The following NDRG3 variants were observed in gnomAD, a reference collection of about 807,000 sequenced individuals.
NDRG3 encodes NDRG family member 3.
In NDRG3, 23 loss-of-function variants were observed where a neutral mutation model predicts 57.2. That is an observed-to-expected ratio of 0.40 (90% CI 0.29 to 0.57). The LOEUF is 0.57. Ranked by LOEUF, NDRG3 falls within the 20% of genes least tolerant of loss-of-function variation. The pLI, the probability that NDRG3 is intolerant of heterozygous loss-of-function variation, is 0.42. For synonymous variants in NDRG3, 132 were observed against 162.6 expected, an observed-to-expected ratio of 0.81 and a Z score of 1.43; for missense variants, 384 against 457.3, an observed-to-expected ratio of 0.84 and a Z score of 1.46.
At chr20:36,730,938 G>GAA (rs780773071) in intron 1 of NDRG3, among the ~76,000 whole-genome samples, 1 of 100,856 alleles carries the variant, frequency 9.9e-6, no homozygotes, top group East Asian at 2.9e-4. Context: ...ATGCTGTCTC[G>GAA]AAAAAAAAAA....
chr20:36,682,689 A>C lies in NDRG3; in HGVS notation c.384-111T>G, dbSNP rs1261052233. ...AAATCCTGGCTCTGATATTTATTAG[A>C]TGTGAGAATTTGGGCAAGTGTTTTT... On this transcript the variant is annotated intron_variant, in intron 6 of 15. Transcript: ENST00000349004. 9.1e-6 allele frequency: 8 copies of C among 875,698 alleles called. No homozygotes were observed. In the Admixed American group the frequency reaches 9.2e-5, roughly 10 times the overall value. The allele number at this position is 875,698 out of a possible 1,614,324, so 54.2% of individuals were successfully genotyped here.
In NDRG3 at chr20:36,682,496, G is replaced by A. The variant is rs762002128; in HGVS notation, c.444+22C>T. The A allele has an allele frequency of 5.6e-6, 9 of 1,605,970 alleles. No individual in the cohort carries two copies. In the East Asian group the frequency reaches 1.8e-4, roughly 32 times the overall value. On this transcript the variant is annotated intron_variant, in intron 7 of 15. Transcript: ENST00000349004. ...CCAGGCACTGCCTCAAGGATGTTGAGGCTAATCCTCTACATACTTACTGCA... is the reference window on the plus strand; with the variant it reads ...CCAGGCACTGCCTCAAGGATGTTGAAGCTAATCCTCTACATACTTACTGCA...
At chr20:36,687,824 A>C (rs922532729) in intron 4 of NDRG3, among the ~76,000 whole-genome samples, 1 of 152,188 alleles carries the variant, frequency 6.6e-6, no homozygotes, top group Non-Finnish European at 1.5e-5. Flanking sequence ...ACAATTCTTA[A>C]TTCTAAATAA....
chr20:36,694,563 T>C (rs1982611255), intron 3 of NDRG3, among the ~76,000 whole-genome samples: 1 of 152,134 alleles, frequency 6.6e-6, no homozygotes, highest in African/African-American at 2.4e-5. Flanking sequence ...CTCTTAAATT[T>C]CTCCAAAATC....
intron 3 of NDRG3, among the ~76,000 whole-genome samples, chr20:36,706,686 TA>T (rs1321757538): frequency 6.6e-6 from 1 of 152,126 alleles, no homozygotes; most frequent in Non-Finnish European, 1.5e-5. Context: ...GTATTTTTAG[TA>T]GGATGAGTTT....
intron 2 of NDRG3, among the ~76,000 whole-genome samples, chr20:36,712,019 T>C (rs1983913299): frequency 6.6e-6 from 1 of 152,188 alleles, no homozygotes; most frequent in Non-Finnish European, 1.5e-5. Flanking sequence ...GACCTCGTGA[T>C]CTGCCCACCT....
intron 8 of NDRG3, among the ~76,000 whole-genome samples, chr20:36,673,573 G>A (rs921935770): frequency 1.3e-5 from 2 of 151,988 alleles, no homozygotes; most frequent in Non-Finnish European, 2.9e-5. Flanking sequence ...ACCTGGCTAC[G>A]TTTCTGTATT....
At chr20:36,727,296 T>C (rs1343781730) in intron 1 of NDRG3, among the ~76,000 whole-genome samples, 2 of 152,116 alleles carry the variant, frequency 1.3e-5, no homozygotes, top group Non-Finnish European at 2.9e-5. Context: ...CTCAGCTCAC[T>C]GCAACCTCCG....
rs770512852 is a variant in NDRG3 at position 36,653,640 on chromosome 20, G to A, written c.1008C>T (p.Leu336=). 38 of 1,613,986 alleles carry A rather than the reference G, an allele frequency of 2.4e-5. No individual in the cohort carries two copies. The highest frequency in any genetic ancestry group is 3.3e-4 in the Middle Eastern group (2 of 6,084). The change falls in exon 16 of 16, where the codon CTC becomes CTT. Residue 336 remains leucine, a synonymous_variant. Coordinates refer to ENST00000349004, the MANE Select transcript of NDRG3 (RefSeq NM_032013.4). This position sits in a 1 kb window ranked among gnomAD's most constrained non-coding sequence, Gnocchi z 4.2. ...RSRTHSTSSS[L]GSGESPFSRS... ...GGCTGAAGGGACTTTCTCCAGAGCCGAGGCTACTCGAGGTTGAGTGGGTTC... is the reference window on the plus strand; with the variant it reads ...GGCTGAAGGGACTTTCTCCAGAGCCAAGGCTACTCGAGGTTGAGTGGGTTC...
Position 36,746,079 on chromosome 20 carries a change from A to AGCGGCG in NDRG3, c.-89_-84dup, listed in dbSNP as rs11466997. 307 of 251,410 alleles carry AGCGGCG rather than the reference A, an allele frequency of 1.2e-3. 1 individual carries two copies. Among genetic ancestry groups the AGCGGCG allele is most frequent in the East Asian group, 3.9e-3 (43 of 10,962 alleles). 15.6% of individuals were successfully genotyped at this position (251,410 alleles called of 1,614,324 possible). ...GGGCACCCGCCGTCAGTGCAGCAGC[A>AGCGGCG]GCGGCGGCGGCGGCGGCGGCGGCGG... On this transcript the variant is annotated 5_prime_UTR_variant, in exon 1 of 16. Coordinates refer to ENST00000349004, the MANE Select transcript of NDRG3 (RefSeq NM_032013.4).
intron 1 of NDRG3, among the ~76,000 whole-genome samples, chr20:36,725,926 C>CTT (rs35120120): frequency 0.017 from 2,081 of 123,610 alleles, 81 homozygotes; most frequent in African/African-American, 0.058. Flanking sequence ...CCTAGTGTTC[C>CTT]TTTTTTTTTT....
intron 2 of NDRG3, among the ~76,000 whole-genome samples, chr20:36,711,529 T>C (rs1697370): frequency 0.017 from 2,631 of 152,262 alleles, 68 homozygotes; most frequent in African/African-American, 0.06. Context: ...GCTGTCATTG[T>C]ATCCATGAAT....
chr20:36,679,632 T>C (rs1600885076), intron 8 of NDRG3, among the ~76,000 whole-genome samples: 1 of 151,000 alleles, frequency 6.6e-6, no homozygotes, highest in African/African-American at 2.4e-5. Context: ...GCCCCCCGAG[T>C]AGCTGGGATT....
intron 1 of NDRG3, among the ~76,000 whole-genome samples, chr20:36,738,989 T>C (rs1035793814): frequency 1.3e-5 from 2 of 148,222 alleles, no homozygotes; most frequent in Non-Finnish European, 3.0e-5. Context: ...TCAGGGGTGA[T>C]GGCATGCACC....
chr20:36,687,661 A>T, intron 4 of NDRG3, 49 bp from the exon 5 acceptor site: 1 of 1,582,834 alleles, frequency 6.3e-7, no homozygotes, highest in African/African-American at 1.3e-5. Context: ...ATATCGCCCC[A>T]ATTTTCCTCT....
chr20:36,727,118 G>A (rs1230849726), intron 1 of NDRG3, among the ~76,000 whole-genome samples: 1 of 152,048 alleles, frequency 6.6e-6, no homozygotes, highest in Non-Finnish European at 1.5e-5. Context: ...GGGCTTCCCT[G>A]TTAGCAAGGC....
intron 3 of NDRG3, among the ~76,000 whole-genome samples, chr20:36,702,411 C>A (rs532556423): frequency 2.0e-5 from 3 of 152,338 alleles, no homozygotes; most frequent in Non-Finnish European, 2.9e-5. Context: ...GCTGGGATTA[C>A]AGGCGTGAGC....
At chr20:36,744,742 C>G (rs1206979260) in intron 1 of NDRG3, among the ~76,000 whole-genome samples, 1 of 152,222 alleles carries the variant, frequency 6.6e-6, no homozygotes, top group East Asian at 1.9e-4. Flanking sequence ...ACCACTCTAT[C>G]AATGTTCTCT....
chr20:36,670,893 G>A (rs565607791), intron 9 of NDRG3, among the ~76,000 whole-genome samples: 9 of 152,256 alleles, frequency 5.9e-5, no homozygotes, highest in Middle Eastern at 6.8e-3. Flanking sequence ...TTATGAACAC[G>A]ATAACTGCCA....
Sources: allele counts gnomAD v4.1 joint callset (sites outside exome capture counted in the v4.1 genomes callset), GRCh38; gene constraint gnomAD v4.1.1; non-coding constraint Gnocchi (gnomAD v3.1); transcripts MANE v1.5; gene names NCBI Gene and HGNC (gene_info 2026-07-23, HGNC 2026-07-21).